P3H2: variants seen among roughly 807,000 people sequenced by gnomAD.
P3H2 encodes leprecan-like 1.
In P3H2, 80 loss-of-function variants were observed where a neutral mutation model predicts 87.0. The ratio of observed to expected loss-of-function variants is 0.92; its 90% CI spans 0.77 to 1.11. The LOEUF (loss-of-function observed/expected upper bound fraction) is 1.11, where lower values mean the gene tolerates loss of function less well. Ranked by LOEUF, P3H2 falls within the 50% of genes least tolerant of loss-of-function variation. The pLI, the probability that P3H2 is intolerant of heterozygous loss-of-function variation, is 0.00. For synonymous variants in P3H2, 367 were observed against 359.3 expected (o/e 1.02, Z -0.24); for missense variants, 1,001 against 923.9 (o/e 1.08, Z -1.08).
intron 7 of P3H2, chr3:189,983,393 ACT>A (rs1243853925): frequency 3.2e-5 from 15 of 471,966 alleles, no homozygotes; most frequent in Admixed American, 3.1e-4. Context: ...GCATAACATA[ACT>A]CTCTTCAGAT....
At chr3:190,118,456 C>T (rs1181153996) in intron 1 of P3H2, among the ~76,000 whole-genome samples, 1 of 151,864 alleles carries the variant, frequency 6.6e-6, no homozygotes, top group Non-Finnish European at 1.5e-5. Flanking sequence ...CTGGTGTTGA[C>T]TGATTTCTGT....
chr3:190,043,146 C>T (rs554188932), intron 1 of P3H2, among the ~76,000 whole-genome samples: 15 of 82,068 alleles, frequency 1.8e-4, no homozygotes, highest in South Asian at 9.8e-4. Flanking sequence ...ATAATAGAAG[C>T]GTCTGTGTGT....
intron 1 of P3H2, among the ~76,000 whole-genome samples, chr3:190,097,614 T>C (rs567170437): frequency 4.7e-5 from 7 of 147,440 alleles, no homozygotes; most frequent in African/African-American, 1.8e-4. Flanking sequence ...GAAAACCTAA[T>C]TTTTATTGTT....
intron 3 of P3H2, among the ~76,000 whole-genome samples, chr3:189,993,121 G>T (rs950498633): frequency 6.6e-6 from 1 of 151,884 alleles, no homozygotes; most frequent in African/African-American, 2.4e-5. Context: ...TCAGGAGATC[G>T]AGACCAGCCT....
intron 1 of P3H2, among the ~76,000 whole-genome samples, chr3:190,119,246 G>C (rs1346379406): frequency 2.0e-5 from 3 of 150,654 alleles, no homozygotes; most frequent in Non-Finnish European, 3.0e-5. Context: ...GAGCAGAGCA[G>C]AGCAGAGCAG....
intron 1 of P3H2, among the ~76,000 whole-genome samples, chr3:190,050,767 A>C (rs1725957328): frequency 6.6e-6 from 1 of 152,176 alleles, no homozygotes; most frequent in Non-Finnish European, 1.5e-5. Flanking sequence ...TCTCTTATAA[A>C]GTTATAATAT....
At chr3:189,975,945 A>AT (rs1156255449) in intron 8 of P3H2, among the ~76,000 whole-genome samples, 1 of 152,258 alleles carries the variant, frequency 6.6e-6, no homozygotes, top group Non-Finnish European at 1.5e-5. Context: ...ATATGCAATC[A>AT]TAAAACTATG....
Position 189,987,594 on chromosome 3 carries a change from T to G in P3H2, c.1031A>C (p.Asp344Ala). The change falls in exon 5 of 15, where the codon GAC becomes GCC. Residue 344 changes from aspartate to alanine, a missense_variant. By Grantham distance (126) the Asp-to-Ala change is moderately radical (BLOSUM62 -2). Transcript: ENST00000319332. ...LCHPDDEDVL[D>A]NVDYYESLLD... ...CAGACTCTCATAGTAATCCACATTG[T>G]CTAGGACATCCTCATCATCTGGATG... 1 of 1,614,170 alleles carries G rather than the reference T, an allele frequency of 6.2e-7. No homozygotes were observed. Among genetic ancestry groups the G allele is most frequent in the Non-Finnish European group, 8.5e-7 (1 of 1,180,020 alleles).
chr3:190,036,485 C>T (rs115008802), intron 1 of P3H2, among the ~76,000 whole-genome samples: 1 of 151,764 alleles, frequency 6.6e-6, no homozygotes, highest in East Asian at 1.9e-4. Context: ...TTATAGTCGA[C>T]ATGATAATTT....
At chr3:189,958,035 T>TA in intron 14 of P3H2, 31 bp from the exon 15 acceptor site, 1 of 1,515,940 alleles carries the variant, frequency 6.6e-7, no homozygotes, top group Non-Finnish European at 9.2e-7. Flanking sequence ...ACATTTCTGT[T>TA]ACAAGCATAA....
intron 3 of P3H2, among the ~76,000 whole-genome samples, chr3:189,993,524 A>G (rs1191936770): frequency 6.6e-6 from 1 of 152,150 alleles, no homozygotes; most frequent in East Asian, 1.9e-4. Flanking sequence ...TATAATGTGC[A>G]TTACCTAGTA....
At chr3:190,049,052 ACT>A (rs1175790612) in intron 1 of P3H2, among the ~76,000 whole-genome samples, 1 of 152,170 alleles carries the variant, frequency 6.6e-6, no homozygotes, top group African/African-American at 2.4e-5. Context: ...CACGTCCGTG[ACT>A]CAGTCCTCAA....
At chr3:190,030,953 A>C (rs2108947192) in intron 1 of P3H2, among the ~76,000 whole-genome samples, 1 of 152,314 alleles carries the variant, frequency 6.6e-6, no homozygotes, top group South Asian at 2.1e-4. Flanking sequence ...TAAACTACAG[A>C]TGAATTAAGA....
chr3:189,995,447 A>C lies in P3H2; in HGVS notation c.481-5T>G. 3 of 1,612,788 alleles carry C rather than the reference A, an allele frequency of 1.9e-6. No individual in the cohort carries two copies. The highest frequency in any genetic ancestry group is 2.5e-6 in the Non-Finnish European group (3 of 1,179,844). ...TGCTTTTTCGAGCTGGTTAAGCTAA[A>C]GAGAAAAAAAAATGACCAAAATGAA... On this transcript the variant is annotated splice_polypyrimidine_tract_variant and splice_region_variant and intron_variant, in intron 1 of 14. Coordinates refer to ENST00000319332, the MANE Select transcript of P3H2 (RefSeq NM_018192.4).
intron 2 of P3H2, 50 bp from the exon 3 acceptor site, chr3:189,994,333 CAAA>C: frequency 6.8e-7 from 1 of 1,465,588 alleles, no homozygotes; most frequent in African/African-American, 1.4e-5. Context: ...AACAAACAAA[CAAA>C]AAAACCCTTA....
In P3H2 at chr3:190,120,673, G is replaced by A; in HGVS notation, c.59C>T (p.Pro20Leu). The A allele has an allele frequency of 6.6e-7, 1 of 1,523,022 alleles. No homozygotes were observed. Among genetic ancestry groups the A allele is most frequent in the Non-Finnish European group, 8.8e-7 (1 of 1,142,100 alleles). 94.3% of individuals were successfully genotyped at this position (1,523,022 alleles called of 1,614,324 possible). Reference protein sequence around the residue: ...LLLLLPLLLPPPLWGGPPDSP... With the variant: ...LLLLLPLLLPLPLWGGPPDSP... ...GTCCGGGGGGCCGCCCCACAGTGGC[G>A]GCGGCAGTAGCAGCGGCAGCAGCAG... The change falls in exon 1 of 15, where the codon CCG becomes CTG. Residue 20 changes from proline (P) to leucine (L), a missense_variant. Pro to Leu is a moderately conservative substitution (Grantham distance 98, BLOSUM62 -3). Transcript: ENST00000319332.
At chr3:190,074,742 T>C (rs1726813410) in intron 1 of P3H2, among the ~76,000 whole-genome samples, 1 of 152,198 alleles carries the variant, frequency 6.6e-6, no homozygotes. Context: ...AATCTGTCTT[T>C]TGATTTTCAA....
intron 11 of P3H2, among the ~76,000 whole-genome samples, 190 bp from the exon 12 acceptor site, chr3:189,972,197 T>C (rs1723197586): frequency 6.6e-6 from 1 of 152,236 alleles, no homozygotes; most frequent in Non-Finnish European, 1.5e-5. Context: ...ATGAACTGGA[T>C]GTGAAACCTT....
chr3:190,120,503 G>A lies in P3H2; in HGVS notation c.229C>T (p.Leu77=). 6.8e-7 allele frequency: 1 copy of A among 1,466,714 alleles called. No individual in the cohort carries two copies. Among genetic ancestry groups the A allele is most frequent in the Non-Finnish European group, 9.0e-7 (1 of 1,115,972 alleles). The allele number at this position is 1,466,714 out of a possible 1,614,324, so 90.9% of individuals were successfully genotyped here. Residue 77 remains leucine (L), a synonymous_variant, in exon 1 of 15, where the codon CTG becomes TTG. Transcript: ENST00000319332. ...GCACAGCGCGTGCGGATTTCCCGCA[G>A]GCGCCGGTGGCTGCGCAGCGCCGCT... The part of the protein sequence containing the change: ...LEAALRSHRR[L]REIRTRCARH...
Sources: gnomAD v4.1 joint callset for allele counts (sites outside exome capture counted in the v4.1 genomes callset) on GRCh38, gnomAD v4.1.1 for gene constraint, MANE v1.5 for transcripts, NCBI Gene and HGNC (gene_info 2026-07-23, HGNC 2026-07-21) for gene names.